The following NRCAM variants were observed in gnomAD, a reference collection of about 807,000 sequenced individuals.
NRCAM encodes the protein neuronal cell adhesion molecule, also known as NgCAM-related cell adhesion molecule.
A neutral mutation model predicts 156.5 loss-of-function variants in NRCAM; 83 were observed. The observed-to-expected ratio is 0.53, with a 90% CI of 0.44 to 0.64. The LOEUF (loss-of-function observed/expected upper bound fraction) is 0.64, where lower values mean the gene tolerates loss of function less well. Ranked by LOEUF, NRCAM falls within the 30% of genes least tolerant of loss-of-function variation. The probability of loss-of-function intolerance (pLI) is 0.00; values close to 1 mark genes in which losing one functional copy is unlikely to be tolerated. For synonymous variants in NRCAM, 538 were observed against 563.9 expected (o/e 0.95, Z 0.65); for missense variants, 1,417 against 1,597.3 (o/e 0.89, Z 1.92).
intron 14 of NRCAM, among the ~76,000 whole-genome samples, chr7:108,197,754 T>G (rs2153487836): frequency 6.6e-6 from 1 of 152,308 alleles, no homozygotes; most frequent in East Asian, 1.9e-4. Context: ...ATGAAGAATT[T>G]GCCATTGTAA....
intron 2 of NRCAM, among the ~76,000 whole-genome samples, chr7:108,341,714 T>C (rs368265800): frequency 1.1e-4 from 16 of 152,152 alleles, no homozygotes; most frequent in Admixed American, 7.9e-4. Flanking sequence ...CCAAAGGCAG[T>C]ACCCCCTTAG....
intron 27 of NRCAM, 82 bp from the exon 28 acceptor site, chr7:108,175,439 C>A: frequency 8.2e-7 from 1 of 1,215,410 alleles, no homozygotes; most frequent in Admixed American, 2.4e-5. Flanking sequence ...TACAAAAACA[C>A]TTATTAAAAT....
chr7:108,254,283 TA>T (rs2096522437), intron 3 of NRCAM, among the ~76,000 whole-genome samples: 1 of 152,026 alleles, frequency 6.6e-6, no homozygotes, highest in Non-Finnish European at 1.5e-5. Flanking sequence ...AACAAGTCAA[TA>T]AAAAGATGGA....
At chr7:108,253,946 C>A (rs372957456) in intron 3 of NRCAM, among the ~76,000 whole-genome samples, 1 of 152,204 alleles carries the variant, frequency 6.6e-6, no homozygotes, top group East Asian at 1.9e-4. Context: ...ACCCCAACCA[C>A]GAAACCACAA....
intron 12 of NRCAM, among the ~76,000 whole-genome samples, chr7:108,208,069 G>C (rs915004757): frequency 2.6e-5 from 4 of 151,812 alleles, no homozygotes; most frequent in African/African-American, 9.7e-5. Context: ...CAAAGTGGCT[G>C]GATCACTTGA....
intron 11 of NRCAM, among the ~76,000 whole-genome samples, chr7:108,213,883 T>G (rs1454880849): frequency 6.6e-6 from 1 of 152,210 alleles, no homozygotes; most frequent in Non-Finnish European, 1.5e-5. Context: ...GTTCTCTTTA[T>G]GTGATAGATT....
intron 3 of NRCAM, among the ~76,000 whole-genome samples, chr7:108,284,926 A>AT (rs1407363129): frequency 6.6e-6 from 1 of 152,232 alleles, no homozygotes; most frequent in African/African-American, 2.4e-5. Flanking sequence ...CAGCAAATGA[A>AT]TGACTAATCA....
intron 28 of NRCAM, among the ~76,000 whole-genome samples, chr7:108,174,154 A>G (rs942944785): frequency 1.3e-5 from 2 of 152,268 alleles, no homozygotes; most frequent in African/African-American, 4.8e-5. Flanking sequence ...GTAAGTTTAC[A>G]TCGCTCTGTG....
intron 1 of NRCAM, among the ~76,000 whole-genome samples, chr7:108,422,264 C>T (rs552475331): frequency 5.8e-4 from 89 of 152,272 alleles, no homozygotes; most frequent in African/African-American, 2.1e-3. Flanking sequence ...GTTATAGTAG[C>T]TAACATTTAT....
intron 3 of NRCAM, among the ~76,000 whole-genome samples, chr7:108,276,490 G>A (rs901720202): frequency 6.6e-6 from 1 of 151,832 alleles, no homozygotes; most frequent in Non-Finnish European, 1.5e-5. Flanking sequence ...TTATGTAATG[G>A]CCTTCTTTGT....
At chr7:108,414,638 A>G (rs994773168) in intron 1 of NRCAM, among the ~76,000 whole-genome samples, 1 of 152,230 alleles carries the variant, frequency 6.6e-6, no homozygotes, top group African/African-American at 2.4e-5. Context: ...CAAATTGTTC[A>G]GTGTTTTAGA....
At chr7:108,305,606 A>G (rs1201299543) in intron 3 of NRCAM, among the ~76,000 whole-genome samples, 1 of 151,974 alleles carries the variant, frequency 6.6e-6, no homozygotes, top group Non-Finnish European at 1.5e-5. Context: ...TGTTCCTCCT[A>G]TGGCCTTTCC....
At chr7:108,168,871 G>C (rs943999870) in intron 28 of NRCAM, among the ~76,000 whole-genome samples, 1 of 152,150 alleles carries the variant, frequency 6.6e-6, no homozygotes. Flanking sequence ...GTGTTGGTGT[G>C]ACAGAGAATG....
intron 2 of NRCAM, among the ~76,000 whole-genome samples, chr7:108,319,808 G>T (rs1593203491): frequency 6.6e-6 from 1 of 152,208 alleles, no homozygotes; most frequent in Admixed American, 6.5e-5. Context: ...AAGAAGAAAA[G>T]CAGGGGATAA....
chr7:108,436,747 T>C (rs779272181), intron 1 of NRCAM, among the ~76,000 whole-genome samples: 2 of 152,094 alleles, frequency 1.3e-5, no homozygotes, highest in Non-Finnish European at 2.9e-5. Flanking sequence ...TACAGTGAAA[T>C]GACAATCCAA....
At chr7:108,314,899 G>A (rs1178500588) in intron 2 of NRCAM, among the ~76,000 whole-genome samples, 1 of 152,078 alleles carries the variant, frequency 6.6e-6, no homozygotes, top group Non-Finnish European at 1.5e-5. Context: ...AAAGATATTA[G>A]AGATGTTTAC....
chr7:108,265,020 C>T (rs1035194184), intron 3 of NRCAM, among the ~76,000 whole-genome samples: 2 of 152,160 alleles, frequency 1.3e-5, no homozygotes, highest in Non-Finnish European at 2.9e-5. Flanking sequence ...CAAGTGCTCC[C>T]AGGGGCAATG....
In NRCAM at chr7:108,330,576, G is replaced by C. The variant is rs78780054; in HGVS notation, c.-173-17845C>G. 4.3e-3 allele frequency among the ~76,000 whole-genome samples: 661 copies of C among 152,256 alleles called. 4 individuals carry two copies. Among genetic ancestry groups the C allele is most frequent in the African/African-American group, 0.015 (630 of 41,544 alleles). On this transcript the variant is annotated intron_variant, in intron 2 of 32. Coordinates refer to ENST00000379028, the MANE Select transcript of NRCAM (RefSeq NM_001037132.4). ...CTCAAAATAATTTTTGGTAAATAGA[G>C]GTACTGGGTTTAACAGGCTCCTCAC...
chr7:108,388,236 T>C (rs1231110866), intron 2 of NRCAM, among the ~76,000 whole-genome samples: 1 of 152,200 alleles, frequency 6.6e-6, no homozygotes, highest in Admixed American at 6.5e-5. Flanking sequence ...TCCTGACTTT[T>C]TAATGATCTC....
Sources: gnomAD v4.1 joint callset for allele counts (sites outside exome capture counted in the v4.1 genomes callset) on GRCh38, gnomAD v4.1.1 for gene constraint, MANE v1.5 for transcripts, NCBI Gene and HGNC (gene_info 2026-07-23, HGNC 2026-07-21) for gene names.